ZBTB16: variants seen among roughly 807,000 people sequenced by gnomAD.
ZBTB16 encodes zinc finger and BTB domain-containing protein 16.
ZBTB16 carries 8 observed loss-of-function variants against 56.8 expected under a neutral mutation model. The ratio of observed to expected loss-of-function variants is 0.14; its 90% CI spans 0.08 to 0.25. The LOEUF (loss-of-function observed/expected upper bound fraction) is 0.25. Ranked by LOEUF, ZBTB16 falls within the 10% of genes least tolerant of loss-of-function variation. The pLI is 1.00. For synonymous variants in ZBTB16, 363 were observed against 368.5 expected, an observed-to-expected ratio of 0.98 and a Z score of 0.17; for missense variants, 625 against 903.0, an observed-to-expected ratio of 0.69 and a Z score of 3.95.
At chr11:114,109,365 G>T (rs888728442) in intron 2 of ZBTB16, among the ~76,000 whole-genome samples, 1 of 152,172 alleles carries the variant, frequency 6.6e-6, no homozygotes, top group Non-Finnish European at 1.5e-5. Context: ...CAGGTCTTTG[G>T]CTTGACTACA....
intron 4 of ZBTB16, among the ~76,000 whole-genome samples, chr11:114,200,127 CAAA>C (rs796851438): frequency 9.5e-6 from 1 of 105,084 alleles, no homozygotes; most frequent in African/African-American, 3.5e-5. Flanking sequence ...GACTCCGTCT[CAAA>C]AAAAAAAAAA....
At chr11:114,227,269 C>T (rs1275920925) in intron 4 of ZBTB16, among the ~76,000 whole-genome samples, 2 of 152,168 alleles carry the variant, frequency 1.3e-5, no homozygotes, top group Non-Finnish European at 2.9e-5. Context: ...CACCTGTGTG[C>T]ACCATGCACA....
chr11:114,072,908 C>T (rs75028794), intron 2 of ZBTB16, among the ~76,000 whole-genome samples: 3,382 of 151,922 alleles, frequency 0.022, 96 homozygotes, highest in African/African-American at 0.067. Context: ...AAAAATTAGC[C>T]GGGCGTGGTG....
rs554153741 is a variant in ZBTB16 at position 114,228,766 on chromosome 11, A to G, written c.1454-13401A>G. ...GAGGTGGGCGGGGCCGGTGCCCCCTAGAAGTGTGCCTTCTGGCAGCTTCCC... is the reference window on the plus strand; with the variant it reads ...GAGGTGGGCGGGGCCGGTGCCCCCTGGAAGTGTGCCTTCTGGCAGCTTCCC... On this transcript the variant is annotated intron_variant, in intron 4 of 6. Coordinates refer to ENST00000335953, the MANE Select transcript of ZBTB16 (RefSeq NM_006006.6). Among the ~76,000 whole-genome samples, 29 of 152,344 alleles carry G rather than the reference A, an allele frequency of 1.9e-4. No individual in the cohort carries two copies. In the South Asian group the frequency reaches 3.1e-3, roughly 16 times the overall value.
At chr11:114,132,022 G>A (rs1997547) in intron 2 of ZBTB16, among the ~76,000 whole-genome samples, 42,140 of 151,878 alleles carry the variant, frequency 0.28, 6,154 homozygotes, top group Non-Finnish European at 0.31. Context: ...GGGGAGCGGC[G>A]GAAGTTAGGA....
At chr11:114,193,950 C>T (rs541848594) in intron 4 of ZBTB16, among the ~76,000 whole-genome samples, 3 of 152,338 alleles carry the variant, frequency 2.0e-5, no homozygotes, top group Admixed American at 2.0e-4. Context: ...GACCCAACTC[C>T]AACTCAAGTG....
chr11:114,239,051 G>A (rs1191317313), intron 4 of ZBTB16, among the ~76,000 whole-genome samples: 3 of 152,190 alleles, frequency 2.0e-5, no homozygotes, highest in Non-Finnish European at 4.4e-5. Flanking sequence ...GGCTCAGTGA[G>A]TTGGCTGAAT....
intron 3 of ZBTB16, among the ~76,000 whole-genome samples, chr11:114,165,178 G>T (rs376424172): frequency 1.3e-5 from 2 of 152,112 alleles, no homozygotes; most frequent in African/African-American, 4.8e-5. Flanking sequence ...TGGCCCAGAG[G>T]TCTCCCCAGA....
intron 3 of ZBTB16, among the ~76,000 whole-genome samples, chr11:114,165,627 C>G (rs1237922429): frequency 8.5e-5 from 13 of 152,168 alleles, no homozygotes; most frequent in Non-Finnish European, 1.6e-4. Context: ...TGCTGTCTCT[C>G]AGAAAAGGAT....
At chr11:114,177,049 GTGGC>G (rs760014368) in intron 3 of ZBTB16, among the ~76,000 whole-genome samples, 485 of 152,310 alleles carry the variant, frequency 3.2e-3, no homozygotes, top group Non-Finnish European at 4.8e-3. Flanking sequence ...CCTGTAGGCT[GTGGC>G]CAGGAGCTGT....
intron 4 of ZBTB16, among the ~76,000 whole-genome samples, chr11:114,221,585 C>T (rs970420680): frequency 6.6e-6 from 1 of 152,168 alleles, no homozygotes; most frequent in African/African-American, 2.4e-5. Flanking sequence ...GTCATGCCAT[C>T]CTGACTTTCC....
At chr11:114,156,592 C>G (rs1416444561) in intron 3 of ZBTB16, among the ~76,000 whole-genome samples, 158 bp downstream of exon 3, 1 of 152,186 alleles carries the variant, frequency 6.6e-6, no homozygotes, top group Non-Finnish European at 1.5e-5. Flanking sequence ...GCTTATGACA[C>G]AGAAGATCCA....
intron 2 of ZBTB16, among the ~76,000 whole-genome samples, chr11:114,074,159 T>C (rs1310140995): frequency 6.6e-6 from 1 of 152,192 alleles, no homozygotes; most frequent in African/African-American, 2.4e-5. Context: ...ACCTCCCTAC[T>C]TCCTGCTTCT....
intron 3 of ZBTB16, among the ~76,000 whole-genome samples, chr11:114,175,346 CAT>C (rs1050353003): frequency 2.6e-5 from 4 of 152,206 alleles, no homozygotes; most frequent in African/African-American, 4.8e-5. Flanking sequence ...ATACTAATAA[CAT>C]GTGTTGCCCA....
intron 3 of ZBTB16, among the ~76,000 whole-genome samples, chr11:114,159,965 A>C (rs974537862): frequency 2.3e-5 from 3 of 128,786 alleles, no homozygotes; most frequent in Non-Finnish European, 4.8e-5. Flanking sequence ...TTTTTTTCAA[A>C]AGGCGCAGGC....
intron 4 of ZBTB16, among the ~76,000 whole-genome samples, chr11:114,238,754 CA>C (rs746222345): frequency 1.3e-5 from 2 of 152,194 alleles, no homozygotes; most frequent in Non-Finnish European, 2.9e-5. Flanking sequence ...ATCACCCTCC[CA>C]GCTTGTCTCC....
intron 3 of ZBTB16, among the ~76,000 whole-genome samples, chr11:114,181,254 A>G (rs1005940621): frequency 2.0e-5 from 3 of 152,224 alleles, no homozygotes; most frequent in African/African-American, 7.2e-5. Flanking sequence ...CTGGTTCTGT[A>G]TATCTACCCA....
In ZBTB16 at chr11:114,067,876, C is replaced by T. The variant is rs1367483782; in HGVS notation, c.1268+3308C>T. Among the ~76,000 whole-genome samples the T allele has an allele frequency of 3.9e-5, 6 of 152,180 alleles. No individual in the cohort carries two copies. In the East Asian group the frequency reaches 1.2e-3, roughly 29 times the overall value. ...CTCAGATCAACAGCCCCTCGGGTCC[C>T]AGCTAGATGTACTTTGTAGAAGGCT... On this transcript the variant is annotated intron_variant, in intron 2 of 6. Coordinates refer to ENST00000335953, the MANE Select transcript of ZBTB16 (RefSeq NM_006006.6).
chr11:114,219,733 A>G (rs959337697), intron 4 of ZBTB16, among the ~76,000 whole-genome samples: 1 of 152,178 alleles, frequency 6.6e-6, no homozygotes, highest in African/African-American at 2.4e-5. Flanking sequence ...ATGGCATTGT[A>G]TAAGCTGTTT....
Sources: allele counts gnomAD v4.1 joint callset (sites outside exome capture counted in the v4.1 genomes callset), GRCh38; gene constraint gnomAD v4.1.1; transcripts MANE v1.5; gene names NCBI Gene and HGNC (gene_info 2026-07-23, HGNC 2026-07-21).